LMCD1: variants seen among roughly 807,000 people sequenced by gnomAD.
LMCD1 encodes the protein LIM and cysteine-rich domains protein 1.
A neutral mutation model predicts 42.7 loss-of-function variants in LMCD1; 32 were observed. The ratio of observed to expected loss-of-function variants is 0.75; its 90% CI spans 0.57 to 1.01. The LOEUF (loss-of-function observed/expected upper bound fraction) is 1.01. Among genes scored for constraint, LMCD1 ranks in the 50% least tolerant of loss-of-function variants. The pLI is 0.00. For synonymous variants in LMCD1, 178 were observed against 184.9 expected, an observed-to-expected ratio of 0.96 and a Z score of 0.30; for missense variants, 458 against 483.1, an observed-to-expected ratio of 0.95 and a Z score of 0.49.
At chr3:8,502,359 ATAT>A (rs1559342221) in intron 1 of LMCD1, among the ~76,000 whole-genome samples, 2 of 89,972 alleles carry the variant, frequency 2.2e-5, no homozygotes, top group Admixed American at 1.9e-4. Context: ...TATATAATAT[ATAT>A]TATATAAAAT....
At chr3:8,561,400 C>A (rs1265432663) in intron 4 of LMCD1, among the ~76,000 whole-genome samples, 35 of 138,542 alleles carry the variant, frequency 2.5e-4, no homozygotes, top group South Asian at 4.7e-4. Flanking sequence ...TTTTTTTTTC[C>A]AATATAGGTC....
chr3:8,521,688 A>G (rs1165812172), intron 1 of LMCD1, among the ~76,000 whole-genome samples: 9 of 152,218 alleles, frequency 5.9e-5, no homozygotes, highest in Non-Finnish European at 1.3e-4. Context: ...AAAGGCAGAC[A>G]GAAGAAAAAG....
chr3:8,535,368 C>G (rs1389749125), intron 2 of LMCD1, among the ~76,000 whole-genome samples: 3 of 152,046 alleles, frequency 2.0e-5, no homozygotes, highest in African/African-American at 7.2e-5. Flanking sequence ...CCTGCAGCAC[C>G]CTGAGGGTCA....
Position 8,501,907 on chromosome 3 carries a change from A to G in LMCD1, c.-32A>G, listed in dbSNP as rs752376494. 1.3e-5 allele frequency: 20 copies of G among 1,579,930 alleles called. No homozygotes were observed. Among genetic ancestry groups the G allele is most frequent in the African/African-American group, 2.8e-5 (2 of 71,962 alleles). Reference sequence around the variant, plus strand: ...CGCGCCCTCGCGCCTCTGCCTGAGAAGCCAGGCGCTGTTCCCCCACCCCAG... The same window carrying G: ...CGCGCCCTCGCGCCTCTGCCTGAGAGGCCAGGCGCTGTTCCCCCACCCCAG... On this transcript the variant is annotated 5_prime_UTR_variant, in exon 1 of 6. Transcript: ENST00000157600.
At chr3:8,532,187 C>G (rs2125022227) in intron 1 of LMCD1, among the ~76,000 whole-genome samples, 1 of 152,314 alleles carries the variant, frequency 6.6e-6, no homozygotes, top group South Asian at 2.1e-4. Flanking sequence ...ATGCATTGTT[C>G]TCCTTCCAAA....
Position 8,525,754 on chromosome 3 carries a change from C to T in LMCD1, c.43-6983C>T, listed in dbSNP as rs114113996. ...GAGAGCCTAAAAGTCCAAGTTGGAA[C>T]GGTTGAAGTTACAATGGTGAGACCA... On this transcript the variant is annotated intron_variant, in intron 1 of 5. Transcript: ENST00000157600. Among the ~76,000 whole-genome samples the T allele has an allele frequency of 5.8e-3, 883 of 152,254 alleles. 7 individuals carry two copies. The highest frequency in any genetic ancestry group is 8.8e-3 in the Non-Finnish European group (600 of 68,010).
chr3:8,554,788 G>A (rs2125035723), intron 4 of LMCD1, among the ~76,000 whole-genome samples: 1 of 152,280 alleles, frequency 6.6e-6, no homozygotes, highest in Admixed American at 6.5e-5. Flanking sequence ...TATTTTCTCA[G>A]AAATTAAATA....
At chr3:8,502,347 AATATATAATATATATTATATAAAAT>A (rs1693761927) in intron 1 of LMCD1, among the ~76,000 whole-genome samples, 3 of 22,250 alleles carry the variant, frequency 1.3e-4, no homozygotes, top group Admixed American at 9.9e-4. Context: ...TTATATATAA[AATATATAATATATATTATATAAAAT>A]ATATATAATA....
At chr3:8,554,100 C>T (rs920006793) in intron 4 of LMCD1, among the ~76,000 whole-genome samples, 3 of 152,026 alleles carry the variant, frequency 2.0e-5, no homozygotes, top group African/African-American at 4.8e-5. Context: ...GCTGGAGTGC[C>T]GTGGCAGGAT....
Position 8,502,316 on chromosome 3 carries a change from A to G in LMCD1, c.42+336A>G, listed in dbSNP as rs1281293683. The stretch of plus-strand genomic sequence containing the variant: ...ATATATTATATATAATATATAAAAT[A>G]TATATTATATATAATATATATTATA... On this transcript the variant is annotated intron_variant, in intron 1 of 5. Transcript: ENST00000157600. 1.0e-3 allele frequency among the ~76,000 whole-genome samples: 43 copies of G among 42,026 alleles called. 1 individual carries two copies. Among genetic ancestry groups the G allele is most frequent in the African/African-American group, 3.8e-3 (39 of 10,136 alleles). The allele number at this position is 42,026 out of a possible 152,430, so 27.6% of individuals were successfully genotyped here. A position where few individuals can be genotyped will look rare whatever the true frequency, so the allele number is the denominator to read the frequency against.
Position 8,501,835 on chromosome 3 carries a change from C to A in LMCD1, c.-104C>A. On this transcript the variant is annotated 5_prime_UTR_variant, in exon 1 of 6. Transcript: ENST00000157600. ...TGCGCCTGGCTGCGCACAGAGCTCC[C>A]TCCCAGGCCCGCGAACTTGGCCATT... 1 of 1,009,494 alleles carries A rather than the reference C, an allele frequency of 9.9e-7. No individual in the cohort carries two copies. The highest frequency in any genetic ancestry group is 1.5e-6 in the Non-Finnish European group (1 of 679,438). The allele number at this position is 1,009,494 out of a possible 1,614,324, so 62.5% of individuals were successfully genotyped here. A position where few individuals can be genotyped will look rare whatever the true frequency, so the allele number is the denominator to read the frequency against.
chr3:8,562,766 A>G (rs1466338314), intron 4 of LMCD1, among the ~76,000 whole-genome samples: 1 of 151,942 alleles, frequency 6.6e-6, no homozygotes, highest in East Asian at 1.9e-4. Context: ...GTTTTTTTAT[A>G]TATTTATTTT....
chr3:8,542,060 TCTGATCTCACTACAAC>T (rs2125028018), intron 3 of LMCD1, among the ~76,000 whole-genome samples: 1 of 135,206 alleles, frequency 7.4e-6, no homozygotes, highest in East Asian at 2.1e-4. Flanking sequence ...AGTGGCAGGA[TCTGATCTCACTACAAC>T]CTCCGCCTCC....
intron 4 of LMCD1, among the ~76,000 whole-genome samples, chr3:8,563,498 TCTCTGCC>T (rs1216472512): frequency 3.3e-5 from 5 of 152,260 alleles, no homozygotes; most frequent in African/African-American, 1.2e-4. Flanking sequence ...AAGCAGCCTC[TCTCTGCC>T]CTCTGCAGCT....
chr3:8,563,834 C>A (rs1695081970), intron 4 of LMCD1, among the ~76,000 whole-genome samples: 1 of 152,158 alleles, frequency 6.6e-6, no homozygotes, highest in Non-Finnish European at 1.5e-5. Flanking sequence ...CAGTATGTAC[C>A]CTTGAAGGAT....
At chr3:8,524,819 G>A (rs891852745) in intron 1 of LMCD1, among the ~76,000 whole-genome samples, 10 of 151,764 alleles carry the variant, frequency 6.6e-5, no homozygotes, top group African/African-American at 2.2e-4. Flanking sequence ...TGAGTAGCTG[G>A]GACCACAGAA....
intron 4 of LMCD1, among the ~76,000 whole-genome samples, chr3:8,563,115 C>T (rs1695069555): frequency 1.3e-5 from 2 of 152,200 alleles, no homozygotes; most frequent in Admixed American, 1.3e-4. Flanking sequence ...TGTTCATCTA[C>T]TATGTGCCTG....
chr3:8,572,347 G>A lies in LMCD1; in HGVS notation c.*4749G>A, dbSNP rs1695232065. On this transcript the variant is annotated 3_prime_UTR_variant, in exon 6 of 6. Transcript: ENST00000157600. ...CTGTTGACATGAATTTTGAACATTT[G>A]ATAATGCCAGTATCAGCCAGATTTT... 2 of 152,134 alleles carry A rather than the reference G, an allele frequency of 1.3e-5. No individual in the cohort carries two copies. Among genetic ancestry groups the A allele is most frequent in the Admixed American group, 1.3e-4 (2 of 15,282 alleles). The allele number at this position is 152,134 out of a possible 1,614,324, so 9.4% of individuals were successfully genotyped here. A position where few individuals can be genotyped will look rare whatever the true frequency, so the allele number is the denominator to read the frequency against.
intron 3 of LMCD1, among the ~76,000 whole-genome samples, chr3:8,539,426 C>T (rs1423079729): frequency 1.3e-5 from 2 of 152,148 alleles, no homozygotes; most frequent in African/African-American, 4.8e-5. Context: ...AGGGGCTTGT[C>T]CCGGGCCACA....
Sources: gnomAD v4.1 joint callset for allele counts (sites outside exome capture counted in the v4.1 genomes callset) on GRCh38, gnomAD v4.1.1 for gene constraint, MANE v1.5 for transcripts, NCBI Gene and HGNC (gene_info 2026-07-23, HGNC 2026-07-21) for gene names.